YME1L1: variants seen among roughly 807,000 people sequenced by gnomAD.
YME1L1 encodes the protein ATP-dependent zinc metalloprotease YME1L1.
YME1L1 carries 39 observed loss-of-function variants against 90.4 expected under a neutral mutation model. The observed-to-expected ratio is 0.43, with a 90% CI of 0.33 to 0.56. The LOEUF is 0.56. Ranked by LOEUF, YME1L1 falls within the 20% of genes least tolerant of loss-of-function variation. The pLI is 0.03. For missense variants in YME1L1, 617 were observed against 868.4 expected, an observed-to-expected ratio of 0.71 and a Z score of 3.64; for synonymous variants, 284 against 287.3, an observed-to-expected ratio of 0.99 and a Z score of 0.12.
chr10:27,113,458 G>C (rs531975882), intron 18 of YME1L1, among the ~76,000 whole-genome samples: 1 of 151,332 alleles, frequency 6.6e-6, no homozygotes, highest in African/African-American at 2.4e-5. Context: ...ATCGCCTGAG[G>C]TCAAGAGTTT....
At chr10:27,142,908 G>A (rs1232064466) in intron 3 of YME1L1, among the ~76,000 whole-genome samples, 2 of 151,934 alleles carry the variant, frequency 1.3e-5, no homozygotes, top group Admixed American at 6.6e-5. Context: ...GTAGAGACGG[G>A]GTTTCACTGT....
At chr10:27,140,621 G>C (rs935085910) in intron 4 of YME1L1, among the ~76,000 whole-genome samples, 7 of 152,110 alleles carry the variant, frequency 4.6e-5, no homozygotes, top group Non-Finnish European at 7.4e-5. Flanking sequence ...TGGGATTACA[G>C]GCACACGCCA....
intron 14 of YME1L1, among the ~76,000 whole-genome samples, chr10:27,118,785 C>A (rs965991928): frequency 1.3e-5 from 2 of 152,080 alleles, no homozygotes; most frequent in East Asian, 1.9e-4. Flanking sequence ...GATTTAAAAT[C>A]GAAATTAAGC....
chr10:27,112,880 G>T (rs1464929946), intron 18 of YME1L1, among the ~76,000 whole-genome samples: 2 of 151,890 alleles, frequency 1.3e-5, no homozygotes, highest in African/African-American at 4.8e-5. Flanking sequence ...TCTATGTTTT[G>T]TAGAGATGAG....
At chr10:27,126,576 A>G in intron 9 of YME1L1, 120 bp downstream of exon 9, 1 of 567,454 alleles carries the variant, frequency 1.8e-6, no homozygotes, top group Non-Finnish European at 3.0e-6. Context: ...TATTTTGTAA[A>G]ATAGCAATTA....
intron 8 of YME1L1, among the ~76,000 whole-genome samples, chr10:27,131,354 A>G (rs1251212603): frequency 7.1e-6 from 1 of 141,566 alleles, no homozygotes; most frequent in African/African-American, 2.7e-5. Context: ...AGGGCCTAGC[A>G]CTTAATACTA....
chr10:27,152,680 C>T (rs1051239236), intron 1 of YME1L1, among the ~76,000 whole-genome samples: 2 of 152,164 alleles, frequency 1.3e-5, no homozygotes, highest in African/African-American at 4.8e-5. Flanking sequence ...GTAAATAGCA[C>T]CTTCAATGCA....
At chr10:27,128,848 G>A (rs922633251) in intron 8 of YME1L1, among the ~76,000 whole-genome samples, 2 of 152,086 alleles carry the variant, frequency 1.3e-5, no homozygotes, top group Admixed American at 1.3e-4. Context: ...GGAGGAGGTT[G>A]TTGTGAGCTA....
rs191335720 is a variant in YME1L1 at position 27,120,605 on chromosome 10, C to A, written c.1299-58G>T. On this transcript the variant is annotated intron_variant, in intron 12 of 18. Transcript: ENST00000376016. The stretch of plus-strand genomic sequence containing the variant: ...TAAAACTATTTAAGCTCAAATTCAA[C>A]AGGACTGACACCCTAATGACGTGAC... 2.9e-6 allele frequency: 4 copies of A among 1,379,232 alleles called. No individual in the cohort carries two copies. In the African/African-American group the frequency reaches 5.8e-5, roughly 20 times the overall value. The allele number at this position is 1,379,232 out of a possible 1,614,324, so 85.4% of individuals were successfully genotyped here.
rs765633364 is a variant in YME1L1 at position 27,123,544 on chromosome 10, T to C, written c.1102+3A>G. On this transcript the variant is annotated splice_donor_region_variant and intron_variant, in intron 10 of 18. Transcript: ENST00000376016. ...ACTGCATCAAAGATACACCAAAACG[T>C]ACTAAAAAGATTTCTGATACGGCTG... 35 of 1,613,122 alleles carry C rather than the reference T, an allele frequency of 2.2e-5. No homozygotes were observed. In the Admixed American group the frequency reaches 5.5e-4, roughly 25 times the overall value.
At chr10:27,131,743 T>C in intron 8 of YME1L1, 116 bp downstream of exon 8, 1 of 716,434 alleles carries the variant, frequency 1.4e-6, no homozygotes, top group Non-Finnish European at 2.2e-6. Flanking sequence ...ATGTTTCTAA[T>C]ACTTTTGGAC....
intron 8 of YME1L1, among the ~76,000 whole-genome samples, chr10:27,129,085 CAAAAAAAAAAAAAAAA>C (rs71523559): frequency 8.2e-5 from 4 of 48,508 alleles, no homozygotes; most frequent in Non-Finnish European, 1.1e-4. Flanking sequence ...GACCCTGTCT[CAAAAAAAAAAAAAAAA>C]AAAAAAAAAA....
chr10:27,112,016 A>C lies in YME1L1; in HGVS notation c.2112T>G (p.Ile704Met). The change falls in exon 19 of 19, where the codon ATT becomes ATG. Residue 704 changes from isoleucine (I) to methionine (M), a missense_variant. Transcript: ENST00000376016. ...LTYETLDAKE[I>M]QIVLEGKKLE... ...ACTTTTTCCCCTCAAGAACAATTTG[A>C]ATCTCTTTGGCATCCAAAGTCTCAT... The C allele has an allele frequency of 6.2e-7, 1 of 1,614,088 alleles. No individual in the cohort carries two copies. The highest frequency in any genetic ancestry group is 1.1e-5 in the South Asian group (1 of 91,080).
At chr10:27,117,877 G>A (rs1027855675) in intron 14 of YME1L1, 150 bp from the exon 15 acceptor site, 8 of 726,530 alleles carry the variant, frequency 1.1e-5, no homozygotes, top group South Asian at 4.2e-5. Context: ...TTAAAACTAT[G>A]GGGAAGAGGA....
intron 4 of YME1L1, among the ~76,000 whole-genome samples, chr10:27,141,890 G>C (rs1421970410): frequency 2.0e-5 from 3 of 152,124 alleles, no homozygotes; most frequent in Admixed American, 2.0e-4. Flanking sequence ...TTCATTTACA[G>C]TGATCACTAT....
rs999653399 is a variant in YME1L1, at chr10:27,120,362, G to T, written c.1411+73C>A. On this transcript the variant is annotated intron_variant, in intron 13 of 18. Transcript: ENST00000376016. Reference sequence around the variant, plus strand: ...CTTTTAATGTTAATACATGTATCATGAAAGGACCACAAACAGGGTGAGTGG... The same window carrying T: ...CTTTTAATGTTAATACATGTATCATTAAAGGACCACAAACAGGGTGAGTGG... The T allele has an allele frequency of 2.8e-6, 3 of 1,060,906 alleles. No individual in the cohort carries two copies. The African/African-American group carries it at 4.8e-5, about 17-fold the overall frequency. 65.7% of individuals were successfully genotyped at this position (1,060,906 alleles called of 1,614,324 possible).
chr10:27,148,733 C>T (rs779818596), intron 2 of YME1L1, among the ~76,000 whole-genome samples, 173 bp downstream of exon 2: 4 of 149,840 alleles, frequency 2.7e-5, no homozygotes, highest in Non-Finnish European at 5.9e-5. Context: ...TTTATTTTAT[C>T]GGTAAGGCTT....
chr10:27,145,140 C>G (rs893375264), intron 3 of YME1L1, among the ~76,000 whole-genome samples: 4 of 148,274 alleles, frequency 2.7e-5, no homozygotes, highest in African/African-American at 9.9e-5. Flanking sequence ...GACTCCGTCT[C>G]AAAAAAAAAA....
intron 3 of YME1L1, 119 bp downstream of exon 3, chr10:27,145,309 A>G (rs373357697): frequency 6.8e-6 from 6 of 876,572 alleles, no homozygotes; most frequent in Non-Finnish European, 9.3e-6. Context: ...AACAAAAAAA[A>G]AACACTTCAG....
Sources: gnomAD v4.1 joint callset for allele counts (sites outside exome capture counted in the v4.1 genomes callset) on GRCh38, gnomAD v4.1.1 for gene constraint, MANE v1.5 for transcripts, NCBI Gene and HGNC (gene_info 2026-07-23, HGNC 2026-07-21) for gene names.